The following BICC1 variants were observed in gnomAD, a reference collection of about 807,000 sequenced individuals.
The protein encoded by BICC1 is protein bicaudal C homolog 1.
In BICC1, 43 loss-of-function variants were observed where a neutral mutation model predicts 111.0. That is an observed-to-expected ratio of 0.39 (90% CI 0.30 to 0.50). The LOEUF (loss-of-function observed/expected upper bound fraction) is 0.50, where lower values mean the gene tolerates loss of function less well. Among genes scored for constraint, BICC1 ranks in the 20% least tolerant of loss-of-function variants. The pLI is 0.88. For missense variants in BICC1, 1,091 were observed against 1,203.2 expected (o/e 0.91, Z 1.38); for synonymous variants, 467 against 434.4 (o/e 1.07, Z -0.93).
intron 1 of BICC1, among the ~76,000 whole-genome samples, chr10:58,583,141 T>C (rs1844327456): frequency 6.6e-6 from 1 of 152,212 alleles, no homozygotes; most frequent in African/African-American, 2.4e-5. Context: ...CGAGTTGTTA[T>C]TGTTGATTCT....
intron 2 of BICC1, among the ~76,000 whole-genome samples, chr10:58,699,477 C>G (rs2132441143): frequency 6.6e-6 from 1 of 152,298 alleles, no homozygotes; most frequent in Non-Finnish European, 1.5e-5. Context: ...TATTTCTGGG[C>G]ACTTCTACTA....
chr10:58,534,351 G>T (rs777054592), intron 1 of BICC1, among the ~76,000 whole-genome samples: 7 of 151,460 alleles, frequency 4.6e-5, no homozygotes, highest in Non-Finnish European at 8.9e-5. Context: ...AGCAGTGGGC[G>T]GCAGCCTATA....
intron 2 of BICC1, among the ~76,000 whole-genome samples, chr10:58,633,913 G>C (rs532836919): frequency 6.6e-6 from 1 of 151,644 alleles, no homozygotes; most frequent in Non-Finnish European, 1.5e-5. Flanking sequence ...AAGGATATTT[G>C]AGATCCAGTA....
chr10:58,760,546 A>T (rs922598490), intron 3 of BICC1, among the ~76,000 whole-genome samples: 1 of 152,236 alleles, frequency 6.6e-6, no homozygotes, highest in African/African-American at 2.4e-5. Flanking sequence ...AAGCAGACTT[A>T]AATTGTCCTT....
chr10:58,667,681 T>C (rs1490216534), intron 2 of BICC1, among the ~76,000 whole-genome samples: 1 of 152,070 alleles, frequency 6.6e-6, no homozygotes, highest in African/African-American at 2.4e-5. Flanking sequence ...ATTACCAGTC[T>C]CTGAAAGATC....
chr10:58,715,405 A>G (rs1840708006), intron 3 of BICC1: 1 of 591,612 alleles, frequency 1.7e-6, no homozygotes, highest in African/African-American at 1.9e-5. Flanking sequence ...GGCTTATTCT[A>G]CACACACATT....
intron 1 of BICC1, among the ~76,000 whole-genome samples, chr10:58,608,275 C>A (rs970795353): frequency 6.6e-6 from 1 of 152,140 alleles, no homozygotes; most frequent in African/African-American, 2.4e-5. Context: ...AGTGGGACCT[C>A]CCCTGGTGAA....
intron 3 of BICC1, among the ~76,000 whole-genome samples, chr10:58,769,194 AAATT>A (rs1490460471): frequency 6.6e-5 from 10 of 151,762 alleles, no homozygotes; most frequent in Admixed American, 6.6e-4. Flanking sequence ...TAAGATGAAT[AAATT>A]TTGGAGACCT....
At position 58,828,883 on chromosome 10, in the gene BICC1, C is replaced by T. The variant is rs543889839; in HGVS notation, c.2917C>T (p.Arg973Cys). The change falls in exon 21 of 21, where the codon CGC (arginine) becomes TGC (cysteine). Residue 973 changes from arginine (R) to cysteine (C), a missense_variant. Physicochemically the swap from Arg to Cys is radical, Grantham distance 180. Transcript: ENST00000373886. ...YHSDIASVSG[R>C]W ...CTCAGACATTGCTAGTGTCAGTGGCCGCTGGTAGCAGCACCCTCTTGGCAC... is the reference window on the plus strand; with the variant it reads ...CTCAGACATTGCTAGTGTCAGTGGCTGCTGGTAGCAGCACCCTCTTGGCAC... 2.5e-5 allele frequency: 40 copies of T among 1,613,792 alleles called. No individual in the cohort carries two copies. Among genetic ancestry groups the T allele is most frequent in the Non-Finnish European group, 2.9e-5 (34 of 1,179,794 alleles).
intron 1 of BICC1, among the ~76,000 whole-genome samples, chr10:58,578,316 G>T (rs1844170227): frequency 6.6e-6 from 1 of 152,008 alleles, no homozygotes; most frequent in Non-Finnish European, 1.5e-5. Context: ...TTTAGTCAAA[G>T]AATCTCTTCT....
chr10:58,590,032 A>G (rs1844558632), intron 1 of BICC1, among the ~76,000 whole-genome samples: 1 of 152,058 alleles, frequency 6.6e-6, no homozygotes, highest in Non-Finnish European at 1.5e-5. Context: ...GAAATCTACA[A>G]TTTCATTTAT....
chr10:58,725,147 T>C (rs992876187), intron 3 of BICC1, among the ~76,000 whole-genome samples: 5 of 152,244 alleles, frequency 3.3e-5, no homozygotes, highest in African/African-American at 1.2e-4. Flanking sequence ...CATGTTATTA[T>C]GTATTACTGG....
At chr10:58,743,622 C>T (rs1589091125) in intron 3 of BICC1, among the ~76,000 whole-genome samples, 1 of 152,228 alleles carries the variant, frequency 6.6e-6, no homozygotes, top group East Asian at 1.9e-4. Flanking sequence ...ATGGTCTTAT[C>T]ATGCTAGCTT....
chr10:58,607,729 G>C (rs1192879810), intron 1 of BICC1, among the ~76,000 whole-genome samples: 1 of 152,082 alleles, frequency 6.6e-6, no homozygotes, highest in Non-Finnish European at 1.5e-5. Flanking sequence ...TTTCTGCTTT[G>C]GTGTGATTTG....
Position 58,820,399 on chromosome 10 carries a change from G to A in BICC1, c.2725G>A (p.Asp909Asn). ...TCTTCAGACATTCCTCACTCTCACA[G>A]ATCAGGATCTGAAGGAGCTGGGAAT... ...IDLQTFLTLT[D>N]QDLKELGITT... The change falls in exon 20 of 21, where the codon GAT becomes AAT. Residue 909 changes from aspartate (D) to asparagine (N), a missense_variant. Around this residue, in one of 3 missense-constraint regions of BICC1, gnomAD observed 231 missense variants for 256.2 expected, o/e 0.90. Transcript: ENST00000373886. 1 of 1,612,024 alleles carries A rather than the reference G, an allele frequency of 6.2e-7. No individual in the cohort carries two copies. Among genetic ancestry groups the A allele is most frequent in the East Asian group, 2.2e-5 (1 of 44,832 alleles).
Position 58,799,082 on chromosome 10 carries a change from A to G in BICC1, c.1555A>G (p.Ile519Val). The change falls in exon 12 of 21, where the codon ATT (isoleucine) becomes GTT (valine). Residue 519 changes from isoleucine to valine, a missense_variant. Transcript: ENST00000373886. ...TTTTTCTGCTATACCACACCTTATG[A>G]TTCCATCTACTGCCCAAGCCACATT... is the stretch of plus-strand genomic sequence containing the variant. ...TGFSAIPHLM[I>V]PSTAQATLTN... is the part of the protein sequence containing the mutation. 6.2e-7 allele frequency: 1 copy of G among 1,611,786 alleles called. No individual in the cohort carries two copies.
chr10:58,801,178 T>C, intron 14 of BICC1, 132 bp downstream of exon 14: 1 of 751,488 alleles, frequency 1.3e-6, no homozygotes, highest in Non-Finnish European at 1.9e-6. Flanking sequence ...TTTAACTTTT[T>C]TAAAAAAAAT....
At chr10:58,593,089 A>C (rs1265628844) in intron 1 of BICC1, among the ~76,000 whole-genome samples, 1 of 151,948 alleles carries the variant, frequency 6.6e-6, no homozygotes, top group Non-Finnish European at 1.5e-5. Flanking sequence ...CCTATGCTTG[A>C]GTAGACTGTT....
intron 2 of BICC1, among the ~76,000 whole-genome samples, chr10:58,685,669 A>G (rs1030748077): frequency 6.6e-6 from 1 of 152,084 alleles, no homozygotes; most frequent in African/African-American, 2.4e-5. Flanking sequence ...AGTCTGTTTT[A>G]TCATAGACTA....
Sources: allele counts gnomAD v4.1 joint callset (sites outside exome capture counted in the v4.1 genomes callset), GRCh38; gene constraint gnomAD v4.1.1; regional missense constraint gnomAD v4.1.1; transcripts MANE v1.5; gene names NCBI Gene and HGNC (gene_info 2026-07-23, HGNC 2026-07-21).